The following SSH1 variants were observed in gnomAD, a reference collection of about 807,000 sequenced individuals.
The protein encoded by SSH1 is protein phosphatase Slingshot homolog 1.
A neutral mutation model predicts 79.7 loss-of-function variants in SSH1; 43 were observed. The observed-to-expected ratio is 0.54, with a 90% CI of 0.42 to 0.70. The LOEUF (loss-of-function observed/expected upper bound fraction) is 0.70. Ranked by LOEUF, SSH1 falls within the 30% of genes least tolerant of loss-of-function variation. The pLI is 0.00. For missense variants in SSH1, 1,206 were observed against 1,358.8 expected, an observed-to-expected ratio of 0.89 and a Z score of 1.77; for synonymous variants, 599 against 538.3, an observed-to-expected ratio of 1.11 and a Z score of -1.56.
intron 14 of SSH1, 29 bp from the exon 15 acceptor site, chr12:108,789,273 A>C: frequency 6.4e-7 from 1 of 1,573,116 alleles, no homozygotes; most frequent in Non-Finnish European, 8.6e-7. Context: ...GAGCATGGTG[A>C]GACGGTGCAG....
Position 108,805,149 on chromosome 12 carries a change from G to A in SSH1, c.861C>T (p.Asn287=), listed in dbSNP as rs1257541378. The change falls in exon 10 of 15, where the codon AAC becomes AAT. Residue 287 remains asparagine, a synonymous_variant. Transcript: ENST00000326495. The part of the protein sequence containing the change: ...RNELEKQMNC[N]LKELKEFIDN... ...CTATAAATTCCTTGAGTTCCTTCAA[G>A]TTACAATTCATCTGTTTCTCTAATT... is the stretch of plus-strand genomic sequence containing the variant. 2.5e-5 allele frequency: 41 copies of A among 1,613,482 alleles called. No homozygotes were observed. The highest frequency in any genetic ancestry group is 1.4e-4 in the South Asian group (13 of 91,082).
chr12:108,811,925 C>T (rs1218081597), intron 5 of SSH1, among the ~76,000 whole-genome samples: 1 of 152,128 alleles, frequency 6.6e-6, no homozygotes, highest in Non-Finnish European at 1.5e-5. Flanking sequence ...ATTTAAAAGT[C>T]GACTTGTGAG....
intron 5 of SSH1, among the ~76,000 whole-genome samples, chr12:108,816,020 A>C (rs1406868672): frequency 6.6e-6 from 1 of 152,068 alleles, no homozygotes. Flanking sequence ...TTCTGCCTCA[A>C]ATGCTCCTCA....
At chr12:108,792,918 T>C (rs1349174832) in intron 13 of SSH1, 89 bp from the exon 14 acceptor site, 7 of 1,545,168 alleles carry the variant, frequency 4.5e-6, no homozygotes, top group Non-Finnish European at 5.3e-6. Context: ...AGTGAGGGGC[T>C]GCCCAAGGTC....
rs571000463 is a variant in SSH1, at chr12:108,829,969, G to A, written c.111-6608C>T. ...AATAAAAATAAAATTAGCTAGGCTT[G>A]GTGGTGTGTGCCTGTAGTCCCAGCT... On this transcript the variant is annotated intron_variant, in intron 2 of 14. Coordinates refer to ENST00000326495, the MANE Select transcript of SSH1 (RefSeq NM_018984.4). Among the ~76,000 whole-genome samples, 34 of 152,290 alleles carry A rather than the reference G, an allele frequency of 2.2e-4. No individual in the cohort carries two copies. The South Asian group carries it at 7.0e-3, about 32-fold the overall frequency.
chr12:108,796,681 ACT>A (rs1479243743), intron 13 of SSH1, among the ~76,000 whole-genome samples: 3 of 151,432 alleles, frequency 2.0e-5, no homozygotes, highest in African/African-American at 7.3e-5. Flanking sequence ...TCTCTCCGAG[ACT>A]CTGCTTTCAA....
In SSH1 at chr12:108,807,276, GTC is replaced by G. The variant is rs2037324744; in HGVS notation, c.731+355_731+356del. ...CAGAGCGGGAGGCTCTGAGAATTAA[GTC>G]TCTGGTAATCTGAAGAGAAAAGGCC... On this transcript the variant is annotated intron_variant, in intron 8 of 14. Transcript: ENST00000326495. The surrounding 1 kb of genome is among the most constrained non-coding windows in gnomAD (Gnocchi z 5.2). Among the ~76,000 whole-genome samples, 1 of 152,158 alleles carries G rather than the reference GTC, an allele frequency of 6.6e-6. No homozygotes were observed. The highest frequency in any genetic ancestry group is 2.1e-4 in the South Asian group (1 of 4,834).
At chr12:108,853,237 T>C (rs1354423628) in intron 1 of SSH1, 10 of 985,328 alleles carry the variant, frequency 1.0e-5, no homozygotes, top group African/African-American at 1.7e-5. Context: ...CGAAACATCC[T>C]AGGCTATCGG....
intron 2 of SSH1, chr12:108,826,291 C>T: frequency 2.6e-6 from 1 of 386,368 alleles, no homozygotes; most frequent in Non-Finnish European, 5.0e-6. Context: ...CATGTTCCTA[C>T]ACTGATAAGA....
chr12:108,787,860 G>T lies in SSH1; in HGVS notation c.*128C>A. The stretch of plus-strand genomic sequence containing the variant: ...TCCTCCTCTCTATGGCAAGAGTAGG[G>T]GAAAAGTTAGGATGACTTCACTCGT... On this transcript the variant is annotated 3_prime_UTR_variant, in exon 15 of 15. Transcript: ENST00000326495. The T allele has an allele frequency of 8.2e-7, 1 of 1,217,630 alleles. No individual in the cohort carries two copies. The highest frequency in any genetic ancestry group is 1.2e-6 in the Non-Finnish European group (1 of 856,242). The allele number at this position is 1,217,630 out of a possible 1,614,324, so 75.4% of individuals were successfully genotyped here.
chr12:108,853,109 T>C, intron 1 of SSH1: 1 of 985,286 alleles, frequency 1.0e-6, no homozygotes, highest in Non-Finnish European at 1.2e-6. Flanking sequence ...ATGAACACCA[T>C]TTTCAAAAAA....
At chr12:108,810,898 C>G (rs894792824) in intron 6 of SSH1, among the ~76,000 whole-genome samples, 14 of 152,236 alleles carry the variant, frequency 9.2e-5, no homozygotes, top group Non-Finnish European at 1.9e-4. Context: ...TGAGTTCCTG[C>G]TGCACCACAT....
chr12:108,831,835 G>C (rs142841004), intron 2 of SSH1, among the ~76,000 whole-genome samples: 1 of 152,122 alleles, frequency 6.6e-6, no homozygotes, highest in African/African-American at 2.4e-5. Context: ...TTTGGTTAGC[G>C]TAAATTGGTT....
chr12:108,819,578 C>T (rs2038038275), intron 3 of SSH1, among the ~76,000 whole-genome samples: 2 of 152,172 alleles, frequency 1.3e-5, no homozygotes. Flanking sequence ...CCTGTAATCC[C>T]AGTGCTTTGG....
chr12:108,803,360 G>A lies in SSH1; in HGVS notation c.955-992C>T, dbSNP rs548199111. 1.7e-4 allele frequency among the ~76,000 whole-genome samples: 22 copies of A among 132,868 alleles called. 1 individual carries two copies. Among genetic ancestry groups the A allele is most frequent in the Middle Eastern group, 7.6e-3 (2 of 262 alleles). 87.2% of individuals were successfully genotyped at this position (132,868 alleles called of 152,430 possible). On this transcript the variant is annotated intron_variant, in intron 10 of 14. Coordinates refer to ENST00000326495, the MANE Select transcript of SSH1 (RefSeq NM_018984.4). Reference sequence around the variant, plus strand: ...CCCAAGCATTCAAAGGACATGGAACGGGGGAAAAAAAAAAAGAAAAGAAAA... The same window carrying A: ...CCCAAGCATTCAAAGGACATGGAACAGGGGAAAAAAAAAAAGAAAAGAAAA...
intron 14 of SSH1, among the ~76,000 whole-genome samples, chr12:108,790,142 C>A (rs1055899629): frequency 7.3e-5 from 11 of 149,904 alleles, no homozygotes; most frequent in African/African-American, 2.4e-4. Flanking sequence ...AAGGCCCCGC[C>A]ATGGCTTCCA....
chr12:108,849,564 A>C (rs893706813), intron 2 of SSH1, among the ~76,000 whole-genome samples: 4 of 152,102 alleles, frequency 2.6e-5, no homozygotes, highest in African/African-American at 9.7e-5. Flanking sequence ...AAAAAATAAA[A>C]ATAAAAAGTT....
chr12:108,845,251 C>A (rs367738523), intron 2 of SSH1, among the ~76,000 whole-genome samples: 2 of 151,116 alleles, frequency 1.3e-5, no homozygotes, highest in African/African-American at 4.9e-5. Context: ...CCAAGAACCA[C>A]GTGAGCTTAA....
At chr12:108,821,313 G>C (rs1238469817) in intron 3 of SSH1, among the ~76,000 whole-genome samples, 1 of 151,860 alleles carries the variant, frequency 6.6e-6, no homozygotes, top group Non-Finnish European at 1.5e-5. Flanking sequence ...ACAATCACTT[G>C]AGCCCAGGAG....
Sources: gnomAD v4.1 joint callset for allele counts (sites outside exome capture counted in the v4.1 genomes callset) on GRCh38, gnomAD v4.1.1 for gene constraint, Gnocchi (gnomAD v3.1) non-coding constraint, MANE v1.5 for transcripts, NCBI Gene and HGNC (gene_info 2026-07-23, HGNC 2026-07-21) for gene names.